FCHSD2: variants seen among roughly 807,000 people sequenced by gnomAD.
FCHSD2 encodes F-BAR and double SH3 domains protein 2.
A neutral mutation model predicts 108.1 loss-of-function variants in FCHSD2; 38 were observed. That is an observed-to-expected ratio of 0.35 (90% CI 0.27 to 0.46). The LOEUF is 0.46. Ranked by LOEUF, FCHSD2 falls within the 20% of genes least tolerant of loss-of-function variation. The probability of loss-of-function intolerance (pLI) is 1.00; values close to 1 mark genes in which losing one functional copy is unlikely to be tolerated. For synonymous variants in FCHSD2, 279 were observed against 314.7 expected, an observed-to-expected ratio of 0.89 and a Z score of 1.20; for missense variants, 751 against 897.8, an observed-to-expected ratio of 0.84 and a Z score of 2.09.
Position 72,840,954 on chromosome 11 carries a change from T to G in FCHSD2, c.2062A>C (p.Ser688Arg). ...AATCCTGGTGACTCAGCATGAAGGCTTTTTTCTAAGGGAGAAAACCAAAGA... is the reference window on the plus strand; with the variant it reads ...AATCCTGGTGACTCAGCATGAAGGCGTTTTTCTAAGGGAGAAAACCAAAGA... ...FPRSPSANEK[S>R]LHAESPGFSQ... The change falls in exon 19 of 20, where the codon AGC (serine) becomes CGC (arginine). Residue 688 changes from serine (S) to arginine (R), a missense_variant. Transcript: ENST00000409418. 1.2e-6 allele frequency: 2 copies of G among 1,611,936 alleles called. No homozygotes were observed. Among genetic ancestry groups the G allele is most frequent in the South Asian group, 2.2e-5 (2 of 91,010 alleles).
At chr11:72,861,859 A>G (rs1203068487) in intron 13 of FCHSD2, among the ~76,000 whole-genome samples, 2 of 149,362 alleles carry the variant, frequency 1.3e-5, no homozygotes, top group African/African-American at 4.9e-5. Flanking sequence ...TGAACCTGGG[A>G]GGTGGAGGTT....
chr11:73,107,156 G>A (rs1438565684), intron 2 of FCHSD2, among the ~76,000 whole-genome samples: 1 of 152,072 alleles, frequency 6.6e-6, no homozygotes, highest in Non-Finnish European at 1.5e-5. Context: ...AAGACTCTCC[G>A]CAATTCTTGA....
At chr11:72,884,195 C>T (rs1481253768) in intron 12 of FCHSD2, among the ~76,000 whole-genome samples, 1 of 152,096 alleles carries the variant, frequency 6.6e-6, no homozygotes, top group East Asian at 1.9e-4. Context: ...AAAACACTAA[C>T]CTGCCTCTAA....
intron 2 of FCHSD2, among the ~76,000 whole-genome samples, chr11:73,108,816 C>A (rs923000888): frequency 1.3e-5 from 2 of 152,174 alleles, no homozygotes; most frequent in East Asian, 3.8e-4. Context: ...CATGATCCAC[C>A]CGCTTCGGCC....
intron 8 of FCHSD2, among the ~76,000 whole-genome samples, chr11:72,945,244 G>A (rs776093871): frequency 0.011 from 1,723 of 152,068 alleles, 14 homozygotes; most frequent in Non-Finnish European, 0.016. Flanking sequence ...AAATAATGCC[G>A]CATATCTACA....
chr11:72,983,718 A>G (rs1857259461), intron 8 of FCHSD2: 1 of 371,648 alleles, frequency 2.7e-6, no homozygotes, highest in African/African-American at 2.1e-5. Context: ...AGCTTCAATA[A>G]TTTATTGAAA....
At chr11:73,002,172 C>T (rs1029942722) in intron 4 of FCHSD2, among the ~76,000 whole-genome samples, 1 of 151,732 alleles carries the variant, frequency 6.6e-6, no homozygotes, top group African/African-American at 2.4e-5. Context: ...AGTGTAGAAG[C>T]AAGAAAAAGA....
intron 4 of FCHSD2, among the ~76,000 whole-genome samples, chr11:73,014,012 C>T (rs891695604): frequency 6.6e-5 from 10 of 152,086 alleles, no homozygotes; most frequent in African/African-American, 2.4e-4. Flanking sequence ...CTCACTGTCA[C>T]CTCAAGGTTT....
intron 4 of FCHSD2, among the ~76,000 whole-genome samples, chr11:73,009,668 C>T (rs1857819339): frequency 6.6e-6 from 1 of 152,046 alleles, no homozygotes; most frequent in Middle Eastern, 3.4e-3. Context: ...TTGCTGAATA[C>T]AGTACCCTTG....
At chr11:72,858,073 T>C (rs1024445462) in intron 13 of FCHSD2, among the ~76,000 whole-genome samples, 3 of 152,182 alleles carry the variant, frequency 2.0e-5, no homozygotes, top group African/African-American at 4.8e-5. Flanking sequence ...GTTTGGTGCA[T>C]AGGAGGTACT....
At chr11:72,850,623 G>C (rs936988826) in intron 13 of FCHSD2, among the ~76,000 whole-genome samples, 3 of 151,112 alleles carry the variant, frequency 2.0e-5, no homozygotes, top group African/African-American at 7.3e-5. Flanking sequence ...AAAGTGCTGG[G>C]ATTACAGGTG....
chr11:72,914,392 T>C (rs1390235115), intron 9 of FCHSD2, among the ~76,000 whole-genome samples: 1 of 152,184 alleles, frequency 6.6e-6, no homozygotes, highest in Non-Finnish European at 1.5e-5. Context: ...GAAAAAACTA[T>C]TTTAAAATTC....
At chr11:73,124,489 C>T (rs536165787) in intron 2 of FCHSD2, among the ~76,000 whole-genome samples, 253 of 152,234 alleles carry the variant, frequency 1.7e-3, no homozygotes, top group Non-Finnish European at 3.0e-3. Flanking sequence ...GGCGCAGTGG[C>T]TCACACCTGT....
chr11:72,845,437 C>CAAA (rs755929012), intron 14 of FCHSD2, among the ~76,000 whole-genome samples: 6 of 81,956 alleles, frequency 7.3e-5, no homozygotes, highest in Non-Finnish European at 1.1e-4. Flanking sequence ...GACCCTGTCT[C>CAAA]AAAAAAAAAA....
chr11:72,927,895 A>G (rs891462613), intron 8 of FCHSD2, among the ~76,000 whole-genome samples: 1 of 152,256 alleles, frequency 6.6e-6, no homozygotes, highest in Non-Finnish European at 1.5e-5. Flanking sequence ...GATGCAAGAC[A>G]GGAATGACCT....
At chr11:72,873,797 A>T (rs1591360810) in intron 12 of FCHSD2, among the ~76,000 whole-genome samples, 1 of 152,332 alleles carries the variant, frequency 6.6e-6, no homozygotes, top group South Asian at 2.1e-4. Flanking sequence ...CATTAAACTG[A>T]GGCAGCTCCA....
chr11:73,124,664 G>A (rs1170118412), intron 2 of FCHSD2, among the ~76,000 whole-genome samples: 6 of 152,022 alleles, frequency 3.9e-5, no homozygotes, highest in South Asian at 2.1e-4. Flanking sequence ...GCTGAGGCAG[G>A]AGAATCACTT....
At chr11:73,057,604 C>T (rs1040404164) in intron 3 of FCHSD2, among the ~76,000 whole-genome samples, 10 of 152,104 alleles carry the variant, frequency 6.6e-5, no homozygotes, top group South Asian at 2.1e-4. Flanking sequence ...TTCTAGGTGG[C>T]CATCAGGACT....
chr11:73,052,085 T>C (rs1858915825), intron 3 of FCHSD2, among the ~76,000 whole-genome samples: 1 of 152,220 alleles, frequency 6.6e-6, no homozygotes. Context: ...TTTAGTGACA[T>C]GTTTTTAATT....
Sources: allele counts gnomAD v4.1 joint callset (sites outside exome capture counted in the v4.1 genomes callset), GRCh38; gene constraint gnomAD v4.1.1; transcripts MANE v1.5; gene names NCBI Gene and HGNC (gene_info 2026-07-23, HGNC 2026-07-21).